Variants in ELL3 observed in about 807,000 individuals in gnomAD.
The protein encoded by ELL3 is elongation factor for RNA polymerase II 3.
ELL3 carries 48 observed loss-of-function variants against 58.5 expected under a neutral mutation model. The ratio of observed to expected loss-of-function variants is 0.82; its 90% CI spans 0.65 to 1.04. The LOEUF is 1.04. Ranked by LOEUF, ELL3 falls within the 50% of genes least tolerant of loss-of-function variation. ELL3 has a pLI of 0.00. For missense variants in ELL3, 458 were observed against 478.4 expected (o/e 0.96, Z 0.40); for synonymous variants, 174 against 173.2 (o/e 1.00, Z -0.04).
rs146557832 is a variant in ELL3, at chr15:43,774,729, C to T, written c.690G>A (p.Arg230=). 1 of 1,613,628 alleles carries T rather than the reference C, an allele frequency of 6.2e-7. No individual in the cohort carries two copies. ...TTGGCACTAAAGGCAGAGTTCTGAA[C>T]CTCTTTTCTTCCAGTTCTACAGTGG... The part of the protein sequence containing the change: ...PVATVELEEK[R]FRTLPLVPSP... The change falls in exon 7 of 11, where the codon AGG becomes AGA. Residue 230 remains arginine (R), a synonymous_variant. Coordinates refer to ENST00000319359, the MANE Select transcript of ELL3 (RefSeq NM_025165.3).
At position 43,775,918 on chromosome 15, in the gene ELL3, C is replaced by T. The variant is rs200366234; in HGVS notation, c.287G>A (p.Gly96Glu). 236 of 1,614,028 alleles carry T rather than the reference C, an allele frequency of 1.5e-4. No individual in the cohort carries two copies. The highest frequency in any genetic ancestry group is 2.4e-4 in the South Asian group (22 of 91,082). Residue 96 changes from glycine to glutamate, a missense_variant, in exon 4 of 11, where the codon GGG becomes GAG. Physicochemically the swap from Gly to Glu is moderately conservative, Grantham distance 98. Transcript: ENST00000319359. ...GCCCAGGCAGTGGAGGCTGTTAGGC[C>T]CAGACCTGGAAAAGGATGGTGGAAA... ...DLVCQRFLRS[G>E]PNSLHCLGSL...
rs778743007 is a variant in ELL3, at chr15:43,775,658, T to C, written c.484-48A>G. On this transcript the variant is annotated intron_variant, in intron 4 of 10. Coordinates refer to ENST00000319359, the MANE Select transcript of ELL3 (RefSeq NM_025165.3). ...CACTTGGTTCCCTGGAGTACTGGGA[T>C]ACCTTGGACTTCAGGCTTTGCCCCA... The C allele has an allele frequency of 4.6e-5, 74 of 1,613,458 alleles. 1 individual carries two copies. The Middle Eastern group carries it at 6.6e-4, about 14-fold the overall frequency.
chr15:43,773,683 G>C (rs1427761220), intron 9 of ELL3, among the ~76,000 whole-genome samples: 1 of 150,096 alleles, frequency 6.7e-6, no homozygotes, highest in Admixed American at 6.7e-5. Context: ...GGGCAACCAA[G>C]TGAGACTGTC....
At chr15:43,776,451 G>T in intron 2 of ELL3, 58 bp downstream of exon 2, 5 of 1,552,948 alleles carry the variant, frequency 3.2e-6, no homozygotes, top group Non-Finnish European at 4.4e-6. Flanking sequence ...TCCACCTCCA[G>T]CCCACGTTTA....
Position 43,774,342 on chromosome 15 carries a change from G to A in ELL3, c.878C>T (p.Ala293Val). ...DIPDYLLQYR[A>V]IHSAEQQHAY... is the part of the protein sequence containing the mutation. ...ATGTTGCTGTTCTGCACTGTGGATGGCCCTGTATTGCCTGCCAGGAGCAGA... is the reference window on the plus strand; with the variant it reads ...ATGTTGCTGTTCTGCACTGTGGATGACCCTGTATTGCCTGCCAGGAGCAGA... The change falls in exon 9 of 11, where the codon GCC (alanine) becomes GTC (valine). Residue 293 changes from alanine (A) to valine (V), a missense_variant. Transcript: ENST00000319359. 6.2e-7 allele frequency: 1 copy of A among 1,614,158 alleles called. No homozygotes were observed. The highest frequency in any genetic ancestry group is 8.5e-7 in the Non-Finnish European group (1 of 1,180,002).
chr15:43,774,377 C>A, intron 8 of ELL3, 24 bp from the exon 9 acceptor site: 2 of 1,613,746 alleles, frequency 1.2e-6, no homozygotes, highest in Non-Finnish European at 1.7e-6. Context: ...AGAGTTGTCA[C>A]CTTCAATTTC....
At chr15:43,773,410 A>G (rs2141660364) in intron 9 of ELL3, 62 bp from the exon 10 acceptor site, 2 of 1,584,608 alleles carry the variant, frequency 1.3e-6, no homozygotes, top group Non-Finnish European at 1.7e-6. Flanking sequence ...GCGGCCAGGC[A>G]TGGTGGCTCA....
In ELL3 at chr15:43,775,940, G is replaced by GA. The variant is rs770070722; in HGVS notation, c.282-18dup. 6.2e-7 allele frequency: 1 copy of GA among 1,612,196 alleles called. No individual in the cohort carries two copies. Among genetic ancestry groups the GA allele is most frequent in the Non-Finnish European group, 8.5e-7 (1 of 1,179,306 alleles). ...GGCCCAGACCTGGAAAAGGATGGTG[G>GA]AAAAAAATAGGAGGGTGGAGACCTC... On this transcript the variant is annotated splice_polypyrimidine_tract_variant and intron_variant, in intron 3 of 10. Transcript: ENST00000319359.
intron 2 of ELL3, 109 bp downstream of exon 2, chr15:43,776,400 C>A (rs1404219047): frequency 1.4e-5 from 21 of 1,508,882 alleles, no homozygotes; most frequent in Non-Finnish European, 1.9e-5. Flanking sequence ...GGAACTACCT[C>A]AGACCGTGAC....
rs1038885746 is a variant in ELL3 at position 43,776,779 on chromosome 15, C to T, written c.123G>A (p.Gln41=). 1.2e-6 allele frequency: 2 copies of T among 1,605,376 alleles called. No individual in the cohort carries two copies. The highest frequency in any genetic ancestry group is 2.7e-5 in the African/African-American group (2 of 74,728). Residue 41 remains glutamine (Q), a synonymous_variant, in exon 1 of 11, where the codon CAG becomes CAA. Coordinates refer to ENST00000319359, the MANE Select transcript of ELL3 (RefSeq NM_025165.3). The part of the protein sequence containing the change: ...DAALRALQEC[Q]RQQVRPVIAF... Reference sequence around the variant, plus strand: ...AGGGGGCCGGCCGTACCTGTTGCCGCTGACACTCTTGCAGCGCCCGCAGGG... The same window carrying T: ...AGGGGGCCGGCCGTACCTGTTGCCGTTGACACTCTTGCAGCGCCCGCAGGG...
chr15:43,773,851 A>ATT (rs2086896022), intron 9 of ELL3, among the ~76,000 whole-genome samples: 3 of 151,732 alleles, frequency 2.0e-5, no homozygotes, highest in African/African-American at 7.3e-5. Context: ...AAAATACAAA[A>ATT]AGTGGCTGGG....
In ELL3 at chr15:43,773,164, G is replaced by T; in HGVS notation, c.1146C>A (p.His382Gln). Residue 382 changes from histidine (H) to glutamine (Q), a missense_variant, in exon 11 of 11, where the codon CAC (histidine) becomes CAA (glutamine). Coordinates refer to ENST00000319359, the MANE Select transcript of ELL3 (RefSeq NM_025165.3). ...CAAACTCCAGGATGAGACCTTTAAT[G>T]TGGGACAATTTCTGGTGAAGGTACT... ...RCEYLHQKLS[H>Q]IKGLILEFEE... is the part of the protein sequence containing the mutation. 6.2e-7 allele frequency: 1 copy of T among 1,613,852 alleles called. No homozygotes were observed. The highest frequency in any genetic ancestry group is 1.1e-5 in the South Asian group (1 of 91,032).
rs772757060 is a variant in ELL3 at position 43,774,317 on chromosome 15, A to G, written c.903T>C (p.His301=). 2 of 1,614,206 alleles carry G rather than the reference A, an allele frequency of 1.2e-6. No homozygotes were observed. The highest frequency in any genetic ancestry group is 4.5e-5 in the East Asian group (2 of 44,882). The change falls in exon 9 of 11, where the codon CAT becomes CAC. Residue 301 remains histidine, a synonymous_variant. Transcript: ENST00000319359. ...CTGTCTCAAAGTCCTGCTCATAGGC[A>G]TGTTGCTGTTCTGCACTGTGGATGG... The part of the protein sequence containing the change: ...YRAIHSAEQQ[H]AYEQDFETDY...
Position 43,776,928 on chromosome 15 carries a change from C to T in ELL3, c.-27G>A. 1 of 1,606,510 alleles carries T rather than the reference C, an allele frequency of 6.2e-7. No individual in the cohort carries two copies. On this transcript the variant is annotated 5_prime_UTR_variant, in exon 1 of 11. The change creates a new upstream start codon in the 5' untranslated region. Coordinates refer to ENST00000319359, the MANE Select transcript of ELL3 (RefSeq NM_025165.3). ...GCGACGAGTTCGAGTGCAAGCAGCA[C>T]GGGGGCCACAGGCGAGGGCCACCAC...
intron 3 of ELL3, 21 bp from the exon 4 acceptor site, chr15:43,775,944 A>G (rs1380922654): frequency 6.2e-7 from 1 of 1,613,770 alleles, no homozygotes; most frequent in Non-Finnish European, 8.5e-7. Context: ...ATGGTGGAAA[A>G]AAATAGGAGG....
chr15:43,774,628 G>A lies in ELL3; in HGVS notation c.791C>T (p.Pro264Leu), dbSNP rs111281680. The A allele has an allele frequency of 1.8e-3, 2,899 of 1,613,978 alleles. 55 individuals are homozygous for A. In the African/African-American group the frequency reaches 0.034, roughly 19 times the overall value. The change falls in exon 7 of 11, where the codon CCC becomes CTC. Residue 264 changes from proline (P) to leucine (L), a missense_variant. By Grantham distance (98) the Pro-to-Leu change is moderately conservative (BLOSUM62 -3). Transcript: ENST00000319359. ...DWEQEDEDMD[P>L]RLEHSSSVQE... ...AACTGAGGAACTGTGTTCTAATCTG[G>A]GGTCCATGTCCTCATCTTCTTGCTC...
At chr15:43,775,420 G>C (rs375110222) in intron 5 of ELL3, 39 bp from the exon 6 acceptor site, 2 of 1,607,388 alleles carry the variant, frequency 1.2e-6, no homozygotes, top group Non-Finnish European at 1.7e-6. Context: ...TGAAGACCAG[G>C]GTAGGAGGTG....
chr15:43,776,197 C>T (rs955048621), intron 2 of ELL3, 46 bp from the exon 3 acceptor site: 1 of 1,540,842 alleles, frequency 6.5e-7, no homozygotes, highest in African/African-American at 1.4e-5. Flanking sequence ...CAGCCCCTCC[C>T]CCTCCTGCCG....
rs2086902414 is a variant in ELL3, at chr15:43,774,748, A to G, written c.671T>C (p.Val224Ala). The change falls in exon 7 of 11, where the codon GTA (valine) becomes GCA (alanine). Residue 224 changes from valine to alanine, a missense_variant. Transcript: ENST00000319359. ...DKKRSVPVAT[V>A]ELEEKRFRTL... ...TCTGAACCTCTTTTCTTCCAGTTCT[A>G]CAGTGGCTACAGGCACTGAACGTTT... The G allele has an allele frequency of 6.2e-7, 1 of 1,612,402 alleles. No homozygotes were observed. Among genetic ancestry groups the G allele is most frequent in the African/African-American group, 1.3e-5 (1 of 74,874 alleles).
Sources: allele counts gnomAD v4.1 joint callset (sites outside exome capture counted in the v4.1 genomes callset), GRCh38; gene constraint gnomAD v4.1.1; transcripts MANE v1.5; gene names NCBI Gene and HGNC (gene_info 2026-07-23, HGNC 2026-07-21).